TENM2: variants seen among roughly 807,000 people sequenced by gnomAD.
TENM2 encodes the protein teneurin transmembrane protein 2, also known as teneurin-2.
Under a neutral mutation model 245.2 loss-of-function variants are expected in TENM2, and 52 were observed. The observed-to-expected ratio is 0.21, with a 90% CI of 0.17 to 0.27. The LOEUF is 0.27. Ranked by LOEUF, TENM2 falls within the 10% of genes least tolerant of loss-of-function variation. TENM2 has a pLI of 1.00. For missense variants in TENM2, 3,046 were observed against 3,666.8 expected (o/e 0.83, Z 4.37); for synonymous variants, 1,363 against 1,438.9 (o/e 0.95, Z 1.19).
At chr5:168,222,566 T>C (rs1328384074) in intron 23 of TENM2, among the ~76,000 whole-genome samples, 1 of 152,200 alleles carries the variant, frequency 6.6e-6, no homozygotes, top group Non-Finnish European at 1.5e-5. Flanking sequence ...CTCTCCTCTT[T>C]GTCCTGGGAA....
chr5:168,143,165 G>A (rs1581431796), intron 12 of TENM2, among the ~76,000 whole-genome samples: 1 of 152,110 alleles, frequency 6.6e-6, no homozygotes, highest in South Asian at 2.1e-4. Flanking sequence ...CTTGAACAAG[G>A]GATTTTTTGG....
At chr5:167,399,720 T>C (rs1159282024) in intron 2 of TENM2, among the ~76,000 whole-genome samples, 1 of 152,170 alleles carries the variant, frequency 6.6e-6, no homozygotes, top group African/African-American at 2.4e-5. Flanking sequence ...GTCATGACTT[T>C]ATTGTGAAGA....
intron 3 of TENM2, among the ~76,000 whole-genome samples, chr5:167,937,002 A>G (rs1407421122): frequency 6.6e-6 from 1 of 152,238 alleles, no homozygotes; most frequent in East Asian, 1.9e-4. Context: ...CTTCTTTAAT[A>G]GACAAATAAC....
At chr5:168,159,615 A>G (rs1757561265) in intron 12 of TENM2, among the ~76,000 whole-genome samples, 1 of 152,230 alleles carries the variant, frequency 6.6e-6, no homozygotes, top group Non-Finnish European at 1.5e-5. Context: ...TGCTGGGGTT[A>G]GCTTGGGGTT....
intron 2 of TENM2, among the ~76,000 whole-genome samples, chr5:167,811,605 C>T (rs187951104): frequency 1.0e-3 from 154 of 152,230 alleles, no homozygotes; most frequent in African/African-American, 3.5e-3. Context: ...ACCTAATACA[C>T]CTACTGTGTG....
intron 2 of TENM2, among the ~76,000 whole-genome samples, chr5:167,727,968 A>T (rs913609411): frequency 6.6e-6 from 1 of 152,106 alleles, no homozygotes; most frequent in African/African-American, 2.4e-5. Context: ...TGAGATCCTG[A>T]GAGTGTCGCT....
chr5:167,019,697 T>C, the TENM2 span, among the ~76,000 whole-genome samples: 2 of 152,094 alleles, frequency 1.3e-5, no homozygotes, highest in African/African-American at 2.4e-5. Flanking sequence ...CTCAAACTCC[T>C]GACCTCAAGT....
chr5:167,513,374 G>A (rs949203345), intron 2 of TENM2, among the ~76,000 whole-genome samples: 1 of 152,128 alleles, frequency 6.6e-6, no homozygotes, highest in Non-Finnish European at 1.5e-5. Context: ...TCGGTAAAAG[G>A]AAACAGTAAA....
intron 7 of TENM2, among the ~76,000 whole-genome samples, chr5:168,064,990 A>T (rs946565968): frequency 6.6e-6 from 1 of 152,158 alleles, no homozygotes; most frequent in African/African-American, 2.4e-5. Flanking sequence ...CTTTGCGGGG[A>T]TAGGCGACTG....
intron 12 of TENM2, among the ~76,000 whole-genome samples, chr5:168,138,178 A>G (rs1277786182): frequency 6.6e-6 from 1 of 152,220 alleles, no homozygotes; most frequent in African/African-American, 2.4e-5. Context: ...GGGATCAAAC[A>G]GGACTGCCTT....
intron 2 of TENM2, among the ~76,000 whole-genome samples, chr5:167,859,781 T>TG (rs1322965753): frequency 1.7e-4 from 9 of 52,672 alleles, no homozygotes; most frequent in African/African-American, 4.2e-4. Flanking sequence ...GGGAGGGAGG[T>TG]GGGGGGGTCA....
intron 4 of TENM2, among the ~76,000 whole-genome samples, chr5:167,970,230 C>T (rs1781675044): frequency 6.6e-6 from 1 of 152,226 alleles, no homozygotes; most frequent in Non-Finnish European, 1.5e-5. Flanking sequence ...CCCCTTCTGA[C>T]TCATCACCCT....
intron 12 of TENM2, among the ~76,000 whole-genome samples, chr5:168,134,073 C>T (rs921834717): frequency 6.6e-6 from 1 of 151,868 alleles, no homozygotes; most frequent in Admixed American, 6.6e-5. Flanking sequence ...GAGAATCCCT[C>T]GAACCCAGGA....
At chr5:167,903,446 A>G (rs1775865317) in intron 3 of TENM2, among the ~76,000 whole-genome samples, 1 of 151,968 alleles carries the variant, frequency 6.6e-6, no homozygotes, top group Admixed American at 6.6e-5. Context: ...AGAATGGAGG[A>G]AAAAAAGGCT....
chr5:167,560,365 T>A (rs1275649141), intron 2 of TENM2, among the ~76,000 whole-genome samples: 1 of 107,646 alleles, frequency 9.3e-6, no homozygotes, highest in Non-Finnish European at 2.4e-5. Context: ...AGCATCGCCT[T>A]ATTTTTTTTT....
intron 12 of TENM2, among the ~76,000 whole-genome samples, chr5:168,148,111 G>T (rs75387614): frequency 2.6e-5 from 4 of 152,188 alleles, no homozygotes; most frequent in East Asian, 1.9e-4. Flanking sequence ...GAGTGTGTAC[G>T]TGTGGAAACT....
the TENM2 span, chr5:167,164,933 A>G: frequency 6.6e-6 from 1 of 152,208 alleles, no homozygotes; most frequent in Non-Finnish European, 1.5e-5. Context: ...GGAGAATTTG[A>G]TTGATCATTA....
chr5:167,985,202 C>G (rs1434611876), intron 4 of TENM2, among the ~76,000 whole-genome samples: 3 of 152,184 alleles, frequency 2.0e-5, no homozygotes, highest in Admixed American at 6.5e-5. Context: ...AGCACCACAG[C>G]CCCATTCCTG....
chr5:167,391,338 G>A (rs1293102137), intron 2 of TENM2, among the ~76,000 whole-genome samples: 1 of 151,984 alleles, frequency 6.6e-6, no homozygotes. Context: ...AAAAGCAAGA[G>A]CTCTTGGGTG....
Sources: gnomAD v4.1 joint callset for allele counts (sites outside exome capture counted in the v4.1 genomes callset) on GRCh38, gnomAD v4.1.1 for gene constraint, MANE v1.5 for transcripts, NCBI Gene and HGNC (gene_info 2026-07-23, HGNC 2026-07-21) for gene names.